MCM8: variants seen among roughly 807,000 people sequenced by gnomAD.
The protein encoded by MCM8 is minichromosome maintenance 8 homologous recombination repair factor.
A neutral mutation model predicts 98.9 loss-of-function variants in MCM8; 85 were observed. The ratio of observed to expected loss-of-function variants is 0.86; its 90% CI spans 0.72 to 1.03. MCM8 has a LOEUF of 1.03. Among genes scored for constraint, MCM8 ranks in the 50% least tolerant of loss-of-function variants. The pLI, the probability that MCM8 is intolerant of heterozygous loss-of-function variation, is 0.00. For synonymous variants in MCM8, 352 were observed against 338.6 expected (o/e 1.04, Z -0.44); for missense variants, 951 against 997.8 (o/e 0.95, Z 0.63).
intron 10 of MCM8, among the ~76,000 whole-genome samples, chr20:5,969,954 T>C (rs2089366781): frequency 6.6e-6 from 1 of 152,192 alleles, no homozygotes; most frequent in African/African-American, 2.4e-5. Flanking sequence ...CCCATACTTA[T>C]AGAAGAGTAA....
chr20:5,957,577 CA>C (rs2089020637), intron 6 of MCM8, among the ~76,000 whole-genome samples: 1 of 152,118 alleles, frequency 6.6e-6, no homozygotes, highest in Non-Finnish European at 1.5e-5. Flanking sequence ...CTCCAAAATT[CA>C]AAACTTTGAG....
At chr20:5,966,706 G>C (rs2089282618) in intron 8 of MCM8, among the ~76,000 whole-genome samples, 1 of 151,972 alleles carries the variant, frequency 6.6e-6, no homozygotes, top group African/African-American at 2.4e-5. Flanking sequence ...TAGGGGTTTG[G>C]GCTATCAGAT....
At chr20:5,966,652 GGTA>G (rs2089280472) in intron 8 of MCM8, among the ~76,000 whole-genome samples, 1 of 152,128 alleles carries the variant, frequency 6.6e-6, no homozygotes, top group African/African-American at 2.4e-5. Context: ...CAATTTTTTA[GGTA>G]GTAGTTTTTT....
chr20:5,980,873 C>CAAAAA (rs36027696), intron 13 of MCM8, among the ~76,000 whole-genome samples: 1 of 87,928 alleles, frequency 1.1e-5, no homozygotes, highest in Non-Finnish European at 2.7e-5. Flanking sequence ...CTCTGTCTCT[C>CAAAAA]AAAAAAAAAA....
rs368520231 is a variant in MCM8, at chr20:5,988,306, C to CA, written c.2240+954dup. On this transcript the variant is annotated intron_variant, in intron 17 of 18. Transcript: ENST00000610722. Reference sequence around the variant, plus strand: ...TGAAACCCCGTCTCTACTAAAAATACAAAAAATTAGCTGGGCGTGGTGGCT... The same window carrying CA: ...TGAAACCCCGTCTCTACTAAAAATACAAAAAAATTAGCTGGGCGTGGTGGCT... 5.9e-3 allele frequency among the ~76,000 whole-genome samples: 891 copies of CA among 151,954 alleles called. 7 individuals are homozygous for CA. Among genetic ancestry groups the CA allele is most frequent in the Non-Finnish European group, 9.5e-3 (648 of 67,920 alleles).
rs2089980177 is a variant in MCM8, at chr20:5,998,019, CT to C, written c.*3631del. 1 of 152,184 alleles carries C rather than the reference CT, an allele frequency of 6.6e-6. No homozygotes were observed. The highest frequency in any genetic ancestry group is 1.5e-5 in the Non-Finnish European group (1 of 68,038). The allele number at this position is 152,184 out of a possible 1,614,324, so 9.4% of individuals were successfully genotyped here. ...AAACACCACCCTGTGATTGATGGAT[CT>C]TTATAGCTCTCCTTTGATAAAGAAG... On this transcript the variant is annotated 3_prime_UTR_variant, in exon 19 of 19. Transcript: ENST00000610722.
chr20:5,950,681 C>T lies in MCM8; in HGVS notation c.-348C>T, dbSNP rs939929098. The T allele has an allele frequency of 6.8e-5, 25 of 370,290 alleles. No individual in the cohort carries two copies. In the East Asian group the frequency reaches 1.0e-3, roughly 15 times the overall value. The allele number at this position is 370,290 out of a possible 1,614,324, so 22.9% of individuals were successfully genotyped here. A position where few individuals can be genotyped will look rare whatever the true frequency, so the allele number is the denominator to read the frequency against. Reference sequence around the variant, plus strand: ...GAGCGGAAGTTGGATCACTGAAGCGCCAAAAAAGAATTTAGGGGAAGACCT... The same window carrying T: ...GAGCGGAAGTTGGATCACTGAAGCGTCAAAAAAGAATTTAGGGGAAGACCT... On this transcript the variant is annotated 5_prime_UTR_variant, in exon 1 of 19. Coordinates refer to ENST00000610722, the MANE Select transcript of MCM8 (RefSeq NM_032485.6).
intron 16 of MCM8, 80 bp from the exon 17 acceptor site, chr20:5,987,202 A>G: frequency 7.3e-7 from 1 of 1,370,694 alleles, no homozygotes; most frequent in Non-Finnish European, 1.0e-6. Context: ...GTGTAAAACA[A>G]GTAAATGAAG....
At chr20:5,988,422 A>G (rs2089777100) in intron 17 of MCM8, among the ~76,000 whole-genome samples, 1 of 151,892 alleles carries the variant, frequency 6.6e-6, no homozygotes, top group South Asian at 2.1e-4. Context: ...AGATTGTGCC[A>G]CTGTACTCTA....
At chr20:5,976,741 A>T (rs987907367) in intron 12 of MCM8, among the ~76,000 whole-genome samples, 1 of 152,150 alleles carries the variant, frequency 6.6e-6, no homozygotes, top group Non-Finnish European at 1.5e-5. Context: ...TACACTAGCT[A>T]TGCCTGGAGG....
At chr20:5,989,859 G>A (rs1368490975) in intron 17 of MCM8, among the ~76,000 whole-genome samples, 1 of 152,170 alleles carries the variant, frequency 6.6e-6, no homozygotes, top group Non-Finnish European at 1.5e-5. Context: ...CAGTCTCAGA[G>A]TTTGTAAGCA....
intron 15 of MCM8, 112 bp downstream of exon 15, chr20:5,985,112 T>A (rs1661573339): frequency 1.3e-6 from 1 of 780,064 alleles, no homozygotes; most frequent in Non-Finnish European, 2.0e-6. Flanking sequence ...CAGAACTTTT[T>A]AATATTTCCA....
chr20:5,987,395 C>T lies in MCM8; in HGVS notation c.2240+37C>T, dbSNP rs765507008. On this transcript the variant is annotated intron_variant, in intron 17 of 18. Transcript: ENST00000610722. ...ATTTCAAATTGTTTTAAATGAAATA[C>T]CAGTTATCTTCCCATCTCAAATTAG... 3 of 1,533,734 alleles carry T rather than the reference C, an allele frequency of 2.0e-6. No homozygotes were observed. The Admixed American group carries it at 5.4e-5, about 27-fold the overall frequency.
At chr20:5,994,186 T>C (rs758022540) in intron 18 of MCM8, 113 bp from the exon 19 acceptor site, 17 of 564,106 alleles carry the variant, frequency 3.0e-5, no homozygotes, top group Non-Finnish European at 4.4e-5. Context: ...TAAAAATAAT[T>C]TTATTTGGCC....
chr20:5,958,582 T>C lies in MCM8; in HGVS notation c.645T>C (p.Tyr215=), dbSNP rs377302877. ...TQLKNVRANY[Y]GKYIALRGTV... is the part of the protein sequence containing the mutation. ...TCAAGAATGTCAGAGCAAATTACTA[T>C]GGAAAATACATTGCTCTAAGAGGGA... The change falls in exon 7 of 19, where the codon TAT becomes TAC. Residue 215 remains tyrosine (Y), a synonymous_variant. Transcript: ENST00000610722. The C allele has an allele frequency of 9.9e-5, 159 of 1,614,050 alleles. No individual in the cohort carries two copies. Among genetic ancestry groups the C allele is most frequent in the Non-Finnish European group, 1.2e-4 (139 of 1,180,034 alleles).
chr20:5,962,352 CTTTTTTTTTTTTT>C (rs926577182), intron 7 of MCM8, among the ~76,000 whole-genome samples: 4,575 of 40,430 alleles, frequency 0.11, 149 homozygotes, highest in East Asian at 0.21. Context: ...GCCTTCATTT[CTTTTTTTTTTTTT>C]TTTTTTTTTT....
chr20:5,988,111 G>A (rs2089769206), intron 17 of MCM8, among the ~76,000 whole-genome samples: 1 of 151,838 alleles, frequency 6.6e-6, no homozygotes, highest in East Asian at 1.9e-4. Context: ...TTTTATTCCA[G>A]ATAAAAAAAT....
intron 12 of MCM8, among the ~76,000 whole-genome samples, chr20:5,977,648 T>G (rs1313938014): frequency 6.6e-6 from 1 of 152,228 alleles, no homozygotes; most frequent in Non-Finnish European, 1.5e-5. Context: ...GAATCCTGAC[T>G]TTCCACCTTG....
intron 1 of MCM8, among the ~76,000 whole-genome samples, chr20:5,951,653 T>A (rs2088827849): frequency 6.6e-6 from 1 of 152,190 alleles, no homozygotes. Flanking sequence ...TAATAAGAAG[T>A]CTCAAATACT....
Sources: allele counts gnomAD v4.1 joint callset (sites outside exome capture counted in the v4.1 genomes callset), GRCh38; gene constraint gnomAD v4.1.1; transcripts MANE v1.5; gene names NCBI Gene and HGNC (gene_info 2026-07-23, HGNC 2026-07-21).